Variants in UFD1 observed in about 807,000 individuals in gnomAD.
The protein encoded by UFD1 is ubiquitin recognition factor in ER-associated degradation protein 1.
UFD1 carries 13 observed loss-of-function variants against 45.9 expected under a neutral mutation model. The observed-to-expected ratio is 0.28, with a 90% confidence interval of 0.18 to 0.45. UFD1 has a LOEUF of 0.45. Ranked by LOEUF, UFD1 falls within the 20% of genes least tolerant of loss-of-function variation. UFD1 has a pLI of 1.00. For missense variants in UFD1, 218 were observed against 389.2 expected (o/e 0.56, Z 3.70); for synonymous variants, 128 against 139.2 (o/e 0.92, Z 0.56).
rs186768594 is a variant in UFD1 at position 19,477,819 on chromosome 22, A to G, written c.3+1264T>C. Among the ~76,000 whole-genome samples, 664 of 152,346 alleles carry G rather than the reference A, an allele frequency of 4.4e-3. 2 individuals carry two copies. Among genetic ancestry groups the G allele is most frequent in the Non-Finnish European group, 7.4e-3 (505 of 68,030 alleles). On this transcript the variant is annotated intron_variant, in intron 1 of 11. Transcript: ENST00000263202. ...CCAAAATTAGCAAGCTGAATTAGCC[A>G]TCTCCCAAAATGCAAACATAGCATG... is the stretch of plus-strand genomic sequence containing the variant.
chr22:19,458,254 T>C (rs1314836062), intron 6 of UFD1, 115 bp from the exon 7 acceptor site: 6 of 1,056,612 alleles, frequency 5.7e-6, no homozygotes, highest in African/African-American at 4.7e-5. Context: ...TTCATGCCCA[T>C]GACACAACCT....
intron 11 of UFD1, chr22:19,451,587 T>C: frequency 1.0e-6 from 1 of 985,410 alleles, no homozygotes; most frequent in Non-Finnish European, 1.2e-6. Flanking sequence ...TCTCAACTTT[T>C]CCCTAGGAAG....
intron 5 of UFD1, chr22:19,467,389 T>C (rs9618576): frequency 0.082 from 12,986 of 158,638 alleles, 1,821 homozygotes; most frequent in African/African-American, 0.29. Flanking sequence ...CACTAGAACC[T>C]GATACCTTTG....
intron 11 of UFD1, chr22:19,454,266 C>T (rs191674333): frequency 2.0e-6 from 2 of 998,098 alleles, no homozygotes; most frequent in East Asian, 1.1e-4. Flanking sequence ...GCAGAGGGAC[C>T]CTAGGAAAGG....
intron 1 of UFD1, 174 bp downstream of exon 1, chr22:19,478,909 G>T: frequency 1.2e-6 from 1 of 812,180 alleles, no homozygotes. Flanking sequence ...ACCACAGGCG[G>T]TTAGTGGTCA....
chr22:19,450,538 A>G lies in UFD1; in HGVS notation c.*132T>C. 1 of 1,142,854 alleles carries G rather than the reference A, an allele frequency of 8.8e-7. No individual in the cohort carries two copies. Among genetic ancestry groups the G allele is most frequent in the Non-Finnish European group, 1.3e-6 (1 of 795,994 alleles). The allele number at this position is 1,142,854 out of a possible 1,614,324, so 70.8% of individuals were successfully genotyped here. ...TTCCAAGTCAAACTTAATAATTCTT[A>G]GGTAACTCTAAATAAATCTTAAGTA... On this transcript the variant is annotated 3_prime_UTR_variant, in exon 12 of 12. Coordinates refer to ENST00000263202, the MANE Select transcript of UFD1 (RefSeq NM_005659.7).
intron 6 of UFD1, among the ~76,000 whole-genome samples, chr22:19,459,841 CG>C (rs2089752637): frequency 6.7e-6 from 1 of 149,666 alleles, no homozygotes; most frequent in African/African-American, 2.5e-5. Flanking sequence ...CGGGTTCCAG[CG>C]ATTCTCTTGC....
At chr22:19,470,770 A>C (rs1373879832) in intron 4 of UFD1, 1 of 463,314 alleles carries the variant, frequency 2.2e-6, no homozygotes, top group African/African-American at 2.0e-5. Flanking sequence ...TAATCTCAGA[A>C]AATATTAGTT....
At chr22:19,462,670 A>T (rs866274783) in intron 6 of UFD1, among the ~76,000 whole-genome samples, 50 of 150,874 alleles carry the variant, frequency 3.3e-4, no homozygotes, top group African/African-American at 1.2e-3. Flanking sequence ...AGACTCTCTC[A>T]AAAAAAAAGA....
chr22:19,469,239 T>C (rs1041145279), intron 4 of UFD1, among the ~76,000 whole-genome samples: 4 of 152,180 alleles, frequency 2.6e-5, no homozygotes, highest in Non-Finnish European at 5.9e-5. Context: ...AGTTAGCCAG[T>C]CGCAGGCCAG....
At chr22:19,455,146 G>A (rs2089713288) in intron 10 of UFD1, among the ~76,000 whole-genome samples, 2 of 152,100 alleles carry the variant, frequency 1.3e-5, no homozygotes, top group Non-Finnish European at 1.5e-5. Flanking sequence ...TCTCACTCCA[G>A]TATTCTGATT....
At chr22:19,455,538 C>G in intron 10 of UFD1, 142 bp downstream of exon 10, 1 of 732,850 alleles carries the variant, frequency 1.4e-6, no homozygotes, top group South Asian at 1.7e-5. Context: ...TCCACCCCAC[C>G]AAGGAGAGCA....
At chr22:19,454,422 G>T in intron 11 of UFD1, 1 of 745,276 alleles carries the variant, frequency 1.3e-6, no homozygotes, top group Non-Finnish European at 1.7e-6. Flanking sequence ...TCTTTTCCGT[G>T]CTGTTATCAT....
At chr22:19,464,236 C>T (rs904912452) in intron 6 of UFD1, among the ~76,000 whole-genome samples, 8 of 152,204 alleles carry the variant, frequency 5.3e-5, no homozygotes, top group South Asian at 2.1e-4. Flanking sequence ...ACAGCTGTGA[C>T]GGCCCAGTCC....
Position 19,450,614 on chromosome 22 carries a change from G to T in UFD1, c.*56C>A. 1 of 1,608,272 alleles carries T rather than the reference G, an allele frequency of 6.2e-7. No homozygotes were observed. Among genetic ancestry groups the T allele is most frequent in the East Asian group, 2.2e-5 (1 of 44,772 alleles). Reference sequence around the variant, plus strand: ...TCCCTGTCAGTGCCAGTAACTAAAAGCCAAGATGTTGCAAATGATTCTTTT... The same window carrying T: ...TCCCTGTCAGTGCCAGTAACTAAAATCCAAGATGTTGCAAATGATTCTTTT... On this transcript the variant is annotated 3_prime_UTR_variant, in exon 12 of 12. Coordinates refer to ENST00000263202, the MANE Select transcript of UFD1 (RefSeq NM_005659.7).
chr22:19,455,494 G>C (rs1007753672), intron 10 of UFD1, among the ~76,000 whole-genome samples, 186 bp downstream of exon 10: 1 of 152,070 alleles, frequency 6.6e-6, no homozygotes, highest in African/African-American at 2.4e-5. Context: ...AGTGGTACTG[G>C]GGGTGGCACT....
At chr22:19,455,182 C>G (rs530107921) in intron 10 of UFD1, among the ~76,000 whole-genome samples, 4 of 152,136 alleles carry the variant, frequency 2.6e-5, no homozygotes, top group Admixed American at 2.0e-4. Context: ...ACAACTGACA[C>G]ACCTCAGCCC....
intron 11 of UFD1, chr22:19,453,701 C>A: frequency 1.0e-6 from 1 of 985,426 alleles, no homozygotes; most frequent in Non-Finnish European, 1.2e-6. Flanking sequence ...AACATTGAGC[C>A]CAGAAGTGGT....
intron 11 of UFD1, chr22:19,454,031 G>C (rs2089702910): frequency 1.0e-6 from 1 of 985,676 alleles, no homozygotes; most frequent in Non-Finnish European, 1.2e-6. Context: ...CTCAGCCCTT[G>C]CCTTCCTCTG....
Sources: gnomAD v4.1 joint callset for allele counts (sites outside exome capture counted in the v4.1 genomes callset) on GRCh38, gnomAD v4.1.1 for gene constraint, MANE v1.5 for transcripts, NCBI Gene and HGNC (gene_info 2026-07-23, HGNC 2026-07-21) for gene names.